PECAM1: variants seen among roughly 807,000 people sequenced by gnomAD.
PECAM1 encodes platelet and endothelial cell adhesion molecule 1, also known as platelet endothelial cell adhesion molecule.
In PECAM1, 8 loss-of-function variants were observed where a neutral mutation model predicts 13.8. The ratio of observed to expected loss-of-function variants is 0.58; its 90% CI spans 0.34 to 1.05. PECAM1 has a LOEUF of 1.05. PECAM1 is among the 50% of genes least tolerant of loss of function. The pLI, the probability that PECAM1 is intolerant of heterozygous loss-of-function variation, is 0.03. For missense variants in PECAM1, 304 were observed against 141.2 expected, an observed-to-expected ratio of 2.15 and a Z score of -5.84; for synonymous variants, 136 against 52.6, an observed-to-expected ratio of 2.58 and a Z score of -6.86.
chr17:64,387,443 C>T (rs2036620226), intron 2 of PECAM1, among the ~76,000 whole-genome samples: 1 of 152,160 alleles, frequency 6.6e-6, no homozygotes, highest in Non-Finnish European at 1.5e-5. Context: ...GGGTGGGTGT[C>T]TGCTTGTGAT....
intron 14 of PECAM1, among the ~76,000 whole-genome samples, chr17:64,332,456 C>T (rs1336012246): frequency 2.6e-5 from 4 of 152,238 alleles, no homozygotes; most frequent in Non-Finnish European, 4.4e-5. Flanking sequence ...GGAACACTTA[C>T]TCCATGCACA....
intron 4 of PECAM1, chr17:64,370,427 T>C (rs1181562126): frequency 6.4e-6 from 1 of 156,768 alleles, no homozygotes; most frequent in African/African-American, 2.4e-5. Context: ...CTTTCAAAAG[T>C]TCAGCTCTGT....
At chr17:64,344,473 G>C (rs1188478220) in intron 13 of PECAM1, among the ~76,000 whole-genome samples, 2 of 152,062 alleles carry the variant, frequency 1.3e-5, no homozygotes, top group African/African-American at 2.4e-5. Context: ...ATTAGTCTCA[G>C]AGCAAACATG....
At chr17:64,382,984 G>A (rs980065820) in intron 2 of PECAM1, among the ~76,000 whole-genome samples, 1 of 152,096 alleles carries the variant, frequency 6.6e-6, no homozygotes, top group Non-Finnish European at 1.5e-5. Flanking sequence ...ATATTGCAGT[G>A]AGCCGAGATT....
intron 2 of PECAM1, among the ~76,000 whole-genome samples, chr17:64,379,247 A>G (rs1362957550): frequency 6.6e-6 from 1 of 152,224 alleles, no homozygotes; most frequent in East Asian, 1.9e-4. Context: ...AGTCCCCAGA[A>G]CAGAATTGGC....
chr17:64,383,183 C>T (rs2036520866), intron 2 of PECAM1, among the ~76,000 whole-genome samples: 1 of 152,206 alleles, frequency 6.6e-6, no homozygotes, highest in South Asian at 2.1e-4. Context: ...GAACGAGCTG[C>T]CCATCCCTGG....
chr17:64,374,439 A>G (rs2036310891), intron 4 of PECAM1, among the ~76,000 whole-genome samples: 1 of 152,016 alleles, frequency 6.6e-6, no homozygotes, highest in Admixed American at 6.6e-5. Context: ...CAGTGAGCTG[A>G]AATCATGCCA....
chr17:64,371,320 A>C (rs2036232286), intron 4 of PECAM1, among the ~76,000 whole-genome samples: 1 of 152,196 alleles, frequency 6.6e-6, no homozygotes, highest in Non-Finnish European at 1.5e-5. Context: ...AACTCAAAGA[A>C]AAATGACAAA....
chr17:64,355,950 G>A (rs942703908), intron 8 of PECAM1, among the ~76,000 whole-genome samples, 161 bp downstream of exon 8: 33 of 152,038 alleles, frequency 2.2e-4, no homozygotes, highest in Non-Finnish European at 4.7e-4. Context: ...TAATTTGAGT[G>A]GGTTTCTGTC....
intron 2 of PECAM1, among the ~76,000 whole-genome samples, chr17:64,382,727 T>C (rs2036507837): frequency 6.6e-6 from 1 of 151,860 alleles, no homozygotes; most frequent in Non-Finnish European, 1.5e-5. Context: ...AGGGATTTTT[T>C]TTTTTTTCAA....
intron 15 of PECAM1, among the ~76,000 whole-genome samples, chr17:64,324,266 C>T (rs1222419859): frequency 6.6e-6 from 1 of 152,122 alleles, no homozygotes; most frequent in Non-Finnish European, 1.5e-5. Flanking sequence ...CTCAGGAGAC[C>T]ACTTCTTTAG....
At chr17:64,323,994 C>T (rs1350882819) in intron 15 of PECAM1, 149 bp from the exon 16 acceptor site, 34 of 836,440 alleles carry the variant, frequency 4.1e-5, no homozygotes, top group Non-Finnish European at 6.0e-5. Flanking sequence ...GCAGGGTTCT[C>T]TCTGTGACTT....
chr17:64,342,161 A>G (rs118194769), intron 13 of PECAM1, among the ~76,000 whole-genome samples: 8 of 145,140 alleles, frequency 5.5e-5, no homozygotes, highest in Admixed American at 6.9e-5. Context: ...AAAAAAAAAA[A>G]AAGAAGAAGA....
At chr17:64,387,946 G>A (rs2143921978) in intron 2 of PECAM1, among the ~76,000 whole-genome samples, 1 of 152,288 alleles carries the variant, frequency 6.6e-6, no homozygotes, top group East Asian at 1.9e-4. Context: ...GGGGCCTAAG[G>A]AATGGAGACC....
intron 6 of PECAM1, among the ~76,000 whole-genome samples, chr17:64,361,297 C>T (rs980156375): frequency 1.4e-3 from 212 of 152,054 alleles, no homozygotes; most frequent in African/African-American, 3.5e-3. Context: ...AGGCATGTGC[C>T]ACCACACCCG....
At chr17:64,346,231 G>C (rs986305251) in intron 13 of PECAM1, among the ~76,000 whole-genome samples, 1 of 151,940 alleles carries the variant, frequency 6.6e-6, no homozygotes, top group African/African-American at 2.4e-5. Context: ...TCCTTTGAGC[G>C]TGCAGGAGCC....
At chr17:64,350,486 A>G (rs2035692900) in intron 11 of PECAM1, 53 bp from the exon 12 acceptor site, 1 of 412,740 alleles carries the variant, frequency 2.4e-6, no homozygotes, top group African/African-American at 2.1e-5. Flanking sequence ...CTAGTTTTCT[A>G]AAACCTTTTA....
chr17:64,374,461 C>T (rs905739076), intron 4 of PECAM1, among the ~76,000 whole-genome samples: 2,526 of 151,708 alleles, frequency 0.017, 68 homozygotes, highest in African/African-American at 0.057. Flanking sequence ...TGCACTCCAG[C>T]TCAGGCAACA....
chr17:64,345,856 T>C (rs2035553224), intron 13 of PECAM1, among the ~76,000 whole-genome samples: 1 of 150,924 alleles, frequency 6.6e-6, no homozygotes, highest in African/African-American at 2.4e-5. Context: ...TGGTAGGCTA[T>C]GGGAATGTGC....
Sources: gnomAD v4.1 joint callset for allele counts (sites outside exome capture counted in the v4.1 genomes callset) on GRCh38, gnomAD v4.1.1 for gene constraint, MANE v1.5 for transcripts, NCBI Gene and HGNC (gene_info 2026-07-23, HGNC 2026-07-21) for gene names.